The following PDE10A variants were observed in gnomAD, a reference collection of about 807,000 sequenced individuals.
PDE10A encodes the protein cAMP and cAMP-inhibited cGMP 3',5'-cyclic phosphodiesterase 10A.
A neutral mutation model predicts 97.7 loss-of-function variants in PDE10A; 39 were observed. The ratio of observed to expected loss-of-function variants is 0.40; its 90% CI spans 0.31 to 0.52. The LOEUF (loss-of-function observed/expected upper bound fraction) is 0.52, where lower values mean the gene tolerates loss of function less well. PDE10A is among the 20% of genes least tolerant of loss of function. The probability of loss-of-function intolerance (pLI) is 0.56; values close to 1 mark genes in which losing one functional copy is unlikely to be tolerated. For synonymous variants in PDE10A, 371 were observed against 376.8 expected (o/e 0.98, Z 0.18); for missense variants, 731 against 1,047.8 (o/e 0.70, Z 4.17).
Position 165,889,935 on chromosome 6 carries a change from CACT to C in PDE10A, c.-615+97591_-615+97593del, listed in dbSNP as rs1168714064. On this transcript the variant is annotated intron_variant, in intron 1 of 19. Transcript: ENST00000366882. ...CCTCCCTCACTCCTCACTCCTCCCT[CACT>C]CCTCCCTCCCTCCTCCCTCCCTCAC... Among the ~76,000 whole-genome samples, 3 of 66,122 alleles carry C rather than the reference CACT, an allele frequency of 4.5e-5. No individual in the cohort carries two copies. In the East Asian group the frequency reaches 3.1e-3, roughly 69 times the overall value. The allele number at this position is 66,122 out of a possible 152,430, so 43.4% of individuals were successfully genotyped here. A position where few individuals can be genotyped will look rare whatever the true frequency, so the allele number is the denominator to read the frequency against.
intron 1 of PDE10A, among the ~76,000 whole-genome samples, chr6:165,923,185 G>A (rs144309106): frequency 2.5e-4 from 38 of 152,286 alleles, no homozygotes; most frequent in African/African-American, 8.9e-4. Flanking sequence ...CAAACACGAT[G>A]TGTCTTTTTA....
At chr6:165,823,482 T>TTATATATATA (rs748139541) in intron 1 of PDE10A, among the ~76,000 whole-genome samples, 48 of 37,446 alleles carry the variant, frequency 1.3e-3, no homozygotes, top group East Asian at 3.2e-3. Flanking sequence ...ATAGTTAACT[T>TTATATATATA]TATATATATA....
chr6:165,441,648 A>C (rs1790476981), intron 5 of PDE10A, among the ~76,000 whole-genome samples: 1 of 152,214 alleles, frequency 6.6e-6, no homozygotes, highest in Non-Finnish European at 1.5e-5. Flanking sequence ...AGTTCTGAAA[A>C]AGTATAACGA....
At chr6:165,563,030 G>A (rs1784596879) in intron 1 of PDE10A, among the ~76,000 whole-genome samples, 1 of 152,102 alleles carries the variant, frequency 6.6e-6, no homozygotes, top group Non-Finnish European at 1.5e-5. Context: ...TTTTCAACAA[G>A]TGTTTGCTCA....
intron 18 of PDE10A, among the ~76,000 whole-genome samples, chr6:165,351,271 T>C (rs185035351): frequency 6.6e-6 from 1 of 152,232 alleles, no homozygotes; most frequent in East Asian, 1.9e-4. Context: ...TATGAGTAAA[T>C]GGCATAATAG....
intron 1 of PDE10A, among the ~76,000 whole-genome samples, chr6:165,565,484 G>A (rs1047112664): frequency 6.6e-6 from 1 of 152,118 alleles, no homozygotes; most frequent in Non-Finnish European, 1.5e-5. Context: ...CATGTTAATG[G>A]ATAGGAAGAC....
At chr6:165,369,026 T>TTA (rs551728898) in intron 18 of PDE10A, among the ~76,000 whole-genome samples, 1,687 of 151,968 alleles carry the variant, frequency 0.011, 28 homozygotes, top group African/African-American at 0.039. Context: ...GTCCTGTCTG[T>TTA]TAGAAGGAAA....
At chr6:165,490,995 C>T (rs577735) in intron 2 of PDE10A, among the ~76,000 whole-genome samples, 44,068 of 151,908 alleles carry the variant, frequency 0.29, 6,748 homozygotes, top group African/African-American at 0.39. Context: ...AGTATCTGCT[C>T]TCTTCAAGAG....
At chr6:165,770,640 G>T (rs1026305606) in intron 1 of PDE10A, among the ~76,000 whole-genome samples, 1 of 152,152 alleles carries the variant, frequency 6.6e-6, no homozygotes, top group African/African-American at 2.4e-5. Context: ...TGCCTGGGGA[G>T]CGACTCAAGA....
chr6:165,861,673 G>A (rs1003529601), intron 1 of PDE10A, among the ~76,000 whole-genome samples: 5 of 151,988 alleles, frequency 3.3e-5, no homozygotes, highest in Non-Finnish European at 5.9e-5. Context: ...AAGACCAGAG[G>A]GAGCAACTGC....
rs148079375 is a variant in PDE10A, at chr6:165,706,477, T to C, written c.-614-162909A>G. On this transcript the variant is annotated intron_variant, in intron 1 of 19. Transcript: ENST00000366882. ...ATATTATTGAGGTTAATCAATAAAG[T>C]CCATTTCTGATCCTTCATAGCTAAG... is the stretch of plus-strand genomic sequence containing the variant. 3.4e-3 allele frequency among the ~76,000 whole-genome samples: 519 copies of C among 152,312 alleles called. 1 individual carries two copies. The highest frequency in any genetic ancestry group is 0.012 in the African/African-American group (485 of 41,566).
chr6:165,550,507 A>G (rs1303257772), intron 1 of PDE10A, among the ~76,000 whole-genome samples: 2 of 152,162 alleles, frequency 1.3e-5, no homozygotes, highest in African/African-American at 4.8e-5. Context: ...AACAGCTTGA[A>G]CTGTGAGGGG....
chr6:165,380,622 A>G (rs1055057510), intron 17 of PDE10A, among the ~76,000 whole-genome samples: 5 of 152,220 alleles, frequency 3.3e-5, no homozygotes, highest in African/African-American at 1.2e-4. Flanking sequence ...TCACTTTCAA[A>G]TTATAAAACT....
In PDE10A at chr6:165,395,239, C is replaced by G. The variant is rs1056049792; in HGVS notation, c.2245G>C (p.Glu749Gln). The change falls in exon 15 of 22, where the codon GAA becomes CAA. Residue 749 changes from glutamate (E) to glutamine (Q), a missense_variant. This residue lies in a region of PDE10A where 131 missense variants were observed against 187.4 expected (regional missense o/e 0.70). Coordinates refer to ENST00000539869, the MANE Select transcript of PDE10A (RefSeq NM_001385079.1). ...ELFHFDIGPF[E>Q]NMWPGIFVYM... ...ACAAAAATTCCAGGCCACATGTTTT[C>G]AAAAGGACCAATGTCAAAGTGGAAT... The G allele has an allele frequency of 3.7e-6, 6 of 1,613,070 alleles. No homozygotes were observed. Among genetic ancestry groups the G allele is most frequent in the East Asian group, 2.2e-5 (1 of 44,842 alleles).
rs543080787 is a variant in PDE10A, at chr6:165,655,087, C to T, written c.865+6860G>A. 3.9e-5 allele frequency among the ~76,000 whole-genome samples: 6 copies of T among 152,278 alleles called. No homozygotes were observed. Among genetic ancestry groups the T allele is most frequent in the African/African-American group, 7.2e-5 (3 of 41,554 alleles). On this transcript the variant is annotated intron_variant, in intron 1 of 21. Transcript: ENST00000539869. This position sits in a 1 kb window ranked among gnomAD's most constrained non-coding sequence, Gnocchi z 4.5. ...TAGCACAGAATTCCAGCGGGCCGTCCGTTCGCGTGTCAAACTTCAGCCAGG... is the reference window on the plus strand; with the variant it reads ...TAGCACAGAATTCCAGCGGGCCGTCTGTTCGCGTGTCAAACTTCAGCCAGG...
At chr6:165,783,621 A>G (rs191873315) in intron 1 of PDE10A, among the ~76,000 whole-genome samples, 1 of 152,320 alleles carries the variant, frequency 6.6e-6, no homozygotes, top group African/African-American at 2.4e-5. Flanking sequence ...CAACACCTGT[A>G]ATATCATCAG....
At chr6:165,688,571 C>T (rs928698990) in intron 1 of PDE10A, among the ~76,000 whole-genome samples, 2 of 152,072 alleles carry the variant, frequency 1.3e-5, no homozygotes, top group Non-Finnish European at 2.9e-5. Context: ...TATTCTGATT[C>T]GCAACTGTTG....
intron 2 of PDE10A, among the ~76,000 whole-genome samples, chr6:165,515,675 C>T (rs1231790762): frequency 6.6e-6 from 1 of 151,950 alleles, no homozygotes; most frequent in African/African-American, 2.4e-5. Context: ...AGGCATGCGC[C>T]ATCATGCTTG....
intron 1 of PDE10A, among the ~76,000 whole-genome samples, chr6:165,979,995 T>C (rs1201719724): frequency 2.6e-5 from 4 of 152,260 alleles, no homozygotes; most frequent in Non-Finnish European, 5.9e-5. Flanking sequence ...CCTGCGCCTA[T>C]GTATTGTTAC....
Sources: gnomAD v4.1 joint callset for allele counts (sites outside exome capture counted in the v4.1 genomes callset) on GRCh38, gnomAD v4.1.1 for gene constraint, gnomAD v4.1.1 regional missense constraint, Gnocchi (gnomAD v3.1) non-coding constraint, MANE v1.5 for transcripts, NCBI Gene and HGNC (gene_info 2026-07-23, HGNC 2026-07-21) for gene names.